SOX5: variants seen among roughly 807,000 people sequenced by gnomAD.
The protein encoded by SOX5 is SRY-box transcription factor 5, also known as transcription factor SOX-5.
Under a neutral mutation model 92.0 loss-of-function variants are expected in SOX5, and 9 were observed. That is an observed-to-expected ratio of 0.10 (90% CI 0.06 to 0.17). SOX5 has a LOEUF of 0.17. SOX5 is among the 10% of genes least tolerant of loss of function. The probability of loss-of-function intolerance (pLI) is 1.00; values close to 1 mark genes in which losing one functional copy is unlikely to be tolerated. For missense variants in SOX5, 642 were observed against 944.5 expected (o/e 0.68, Z 4.20); for synonymous variants, 344 against 336.3 (o/e 1.02, Z -0.25).
intron 4 of SOX5, among the ~76,000 whole-genome samples, chr12:24,045,897 T>TCCACAG (rs71450738): frequency 6.6e-6 from 1 of 151,488 alleles, no homozygotes; most frequent in East Asian, 2.0e-4. Flanking sequence ...TTTGGTTTAT[T>TCCACAG]CCATAGCTCT....
chr12:24,136,589 G>T (rs542867243), intron 4 of SOX5, among the ~76,000 whole-genome samples: 1 of 152,200 alleles, frequency 6.6e-6, no homozygotes, highest in African/African-American at 2.4e-5. Flanking sequence ...GGGATGTGCT[G>T]CTATTGTTTA....
Position 24,546,836 on chromosome 12 carries a change from C to T in SOX5, c.-251+15493G>A, listed in dbSNP as rs1952667921. Among the ~76,000 whole-genome samples the T allele has an allele frequency of 2.0e-5, 3 of 152,152 alleles. No individual in the cohort carries two copies. In the South Asian group the frequency reaches 6.2e-4, roughly 32 times the overall value. ...AGGGTTGACTTCCCCCAGGGCCCGCCCTGGATATGCCACATACCCAGTAAA... is the reference window on the plus strand; with the variant it reads ...AGGGTTGACTTCCCCCAGGGCCCGCTCTGGATATGCCACATACCCAGTAAA... On this transcript the variant is annotated intron_variant, in intron 1 of 4. Transcript: ENST00000446891.
intron 2 of SOX5, among the ~76,000 whole-genome samples, chr12:23,889,416 A>G (rs1384585943): frequency 1.3e-5 from 2 of 152,218 alleles, no homozygotes; most frequent in Non-Finnish European, 2.9e-5. Flanking sequence ...CGCGCATAAC[A>G]CCATCCTAGT....
Position 24,455,543 on chromosome 12 carries a change from T to C in SOX5, c.-250-86904A>G, listed in dbSNP as rs150560750. ...TCAGTCAAGATTTCATAGCAGAGTATGTTGATTAATTTCACTTTGGAGAAT... is the reference window on the plus strand; with the variant it reads ...TCAGTCAAGATTTCATAGCAGAGTACGTTGATTAATTTCACTTTGGAGAAT... On this transcript the variant is annotated intron_variant, in intron 1 of 4. Transcript: ENST00000446891. 7.6e-3 allele frequency among the ~76,000 whole-genome samples: 1,151 copies of C among 152,298 alleles called. 3 individuals carry two copies. The highest frequency in any genetic ancestry group is 0.02 in the Middle Eastern group (6 of 294).
intron 2 of SOX5, among the ~76,000 whole-genome samples, chr12:24,300,227 T>C (rs1947796626): frequency 2.0e-5 from 3 of 152,136 alleles, no homozygotes; most frequent in Admixed American, 2.0e-4. Context: ...TAGAAAAACA[T>C]GCCAGAAGGG....
intron 4 of SOX5, among the ~76,000 whole-genome samples, chr12:23,966,090 T>G (rs776350374): frequency 1.3e-5 from 2 of 151,974 alleles, no homozygotes; most frequent in Non-Finnish European, 2.9e-5. Context: ...TAGGAACATA[T>G]TCAATCATTG....
At chr12:24,050,800 A>C (rs1490949713) in intron 4 of SOX5, among the ~76,000 whole-genome samples, 1 of 152,182 alleles carries the variant, frequency 6.6e-6, no homozygotes, top group Non-Finnish European at 1.5e-5. Context: ...TAAACTGTCT[A>C]GCAAGTATAT....
At chr12:24,164,748 T>A (rs889241078) in intron 4 of SOX5, among the ~76,000 whole-genome samples, 5 of 152,082 alleles carry the variant, frequency 3.3e-5, no homozygotes, top group Non-Finnish European at 7.4e-5. Context: ...CTCAATATAT[T>A]ATTGCTTCAT....
At chr12:23,759,135 T>C (rs1158462268) in intron 3 of SOX5, among the ~76,000 whole-genome samples, 2 of 151,670 alleles carry the variant, frequency 1.3e-5, no homozygotes, top group African/African-American at 2.4e-5. Context: ...CTCCCTTGGA[T>C]AGATGAAGTA....
intron 3 of SOX5, among the ~76,000 whole-genome samples, chr12:23,829,739 A>G (rs1259437814): frequency 6.6e-6 from 1 of 152,196 alleles, no homozygotes; most frequent in Non-Finnish European, 1.5e-5. Flanking sequence ...CTAATGTATC[A>G]GCAGGAATCA....
intron 4 of SOX5, among the ~76,000 whole-genome samples, chr12:24,031,150 T>C (rs1019486316): frequency 1.3e-5 from 2 of 151,444 alleles, no homozygotes; most frequent in African/African-American, 4.8e-5. Flanking sequence ...TCAAAAAATT[T>C]AAAAATTAAA....
At chr12:24,286,277 C>T (rs1032011322) in intron 2 of SOX5, among the ~76,000 whole-genome samples, 3 of 152,248 alleles carry the variant, frequency 2.0e-5, no homozygotes, top group African/African-American at 2.4e-5. Flanking sequence ...ATTTCAAACA[C>T]GAGTTCCAGA....
chr12:23,870,213 A>G (rs1176551313), intron 2 of SOX5, among the ~76,000 whole-genome samples: 2 of 152,090 alleles, frequency 1.3e-5, no homozygotes, highest in African/African-American at 2.4e-5. Context: ...AGGTAATTGA[A>G]AATAAAATAA....
chr12:24,173,267 G>C (rs1000968715), intron 4 of SOX5, among the ~76,000 whole-genome samples: 1 of 152,324 alleles, frequency 6.6e-6, no homozygotes, highest in South Asian at 2.1e-4. Flanking sequence ...AGATGGTTTC[G>C]AGCCATTGCT....
intron 6 of SOX5, among the ~76,000 whole-genome samples, chr12:23,712,256 C>T (rs567765762): frequency 5.3e-5 from 8 of 152,158 alleles, no homozygotes; most frequent in Non-Finnish European, 7.3e-5. Context: ...AAGAGGGATA[C>T]GTAATTTCCC....
At chr12:24,012,689 T>C (rs976881489) in intron 4 of SOX5, among the ~76,000 whole-genome samples, 1 of 151,888 alleles carries the variant, frequency 6.6e-6, no homozygotes, top group African/African-American at 2.4e-5. Context: ...AGAATTGCTT[T>C]AGGATGAGAA....
chr12:24,376,576 T>G (rs1237628496), intron 1 of SOX5, among the ~76,000 whole-genome samples: 1 of 150,910 alleles, frequency 6.6e-6, no homozygotes, highest in Non-Finnish European at 1.5e-5. Flanking sequence ...TCAATAATAA[T>G]CATAAAAGCA....
intron 11 of SOX5, among the ~76,000 whole-genome samples, chr12:23,555,959 A>T (rs1219537340): frequency 1.3e-5 from 2 of 152,228 alleles, no homozygotes; most frequent in Non-Finnish European, 2.9e-5. Context: ...TTTAACTTGC[A>T]TCAGCCTGTC....
chr12:24,164,828 C>T (rs1305409528), intron 4 of SOX5, among the ~76,000 whole-genome samples: 5 of 151,832 alleles, frequency 3.3e-5, no homozygotes, highest in Non-Finnish European at 7.4e-5. Flanking sequence ...TGTTTAAATG[C>T]TTTCAAAAAA....
Sources: gnomAD v4.1 joint callset for allele counts (sites outside exome capture counted in the v4.1 genomes callset) on GRCh38, gnomAD v4.1.1 for gene constraint, MANE v1.5 for transcripts, NCBI Gene and HGNC (gene_info 2026-07-23, HGNC 2026-07-21) for gene names.